The following INPP5A variants were observed in gnomAD, a reference collection of about 807,000 sequenced individuals.
INPP5A encodes the protein inositol polyphosphate-5-phosphatase A, also known as 43 kDa inositol polyphosphate 5-phophatase.
In INPP5A, 14 loss-of-function variants were observed where a neutral mutation model predicts 65.2. That is an observed-to-expected ratio of 0.21 (90% CI 0.14 to 0.34). INPP5A has a LOEUF of 0.34. Among genes scored for constraint, INPP5A ranks in the 10% least tolerant of loss-of-function variants. The pLI is 1.00. For missense variants in INPP5A, 431 were observed against 545.6 expected, an observed-to-expected ratio of 0.79 and a Z score of 2.09; for synonymous variants, 207 against 208.3, an observed-to-expected ratio of 0.99 and a Z score of 0.05.
At chr10:132,548,495 G>A (rs773630510) in intron 1 of INPP5A, among the ~76,000 whole-genome samples, 4 of 152,142 alleles carry the variant, frequency 2.6e-5, no homozygotes, top group African/African-American at 9.7e-5. Flanking sequence ...TTATTTACCC[G>A]GGATTTGAAT....
At chr10:132,747,831 T>G (rs1166921357) in intron 9 of INPP5A, among the ~76,000 whole-genome samples, 1 of 152,206 alleles carries the variant, frequency 6.6e-6, no homozygotes, top group Admixed American at 6.5e-5. Flanking sequence ...GGACAATCGC[T>G]TGAGCCCAGA....
chr10:132,677,201 T>C (rs1206844614), intron 4 of INPP5A, among the ~76,000 whole-genome samples: 5 of 152,244 alleles, frequency 3.3e-5, no homozygotes, highest in African/African-American at 9.6e-5. Flanking sequence ...TGCAGGTCCA[T>C]GGCTGGACGC....
intron 12 of INPP5A, among the ~76,000 whole-genome samples, chr10:132,766,314 T>G (rs545139236): frequency 2.0e-5 from 3 of 152,356 alleles, no homozygotes; most frequent in African/African-American, 7.2e-5. Context: ...CCAAAAAAGG[T>G]TTTTTCCAAT....
At chr10:132,689,010 C>G (rs568083334) in intron 4 of INPP5A, among the ~76,000 whole-genome samples, 1 of 151,860 alleles carries the variant, frequency 6.6e-6, no homozygotes, top group Non-Finnish European at 1.5e-5. Context: ...CCTGTGAGTG[C>G]TTGTGCGTGA....
intron 2 of INPP5A, among the ~76,000 whole-genome samples, chr10:132,612,235 G>A (rs116941943): frequency 0.025 from 2,179 of 86,806 alleles, 28 homozygotes; most frequent in Middle Eastern, 0.083. Flanking sequence ...AGGCCCTGTC[G>A]GGAGGGTGTG....
intron 12 of INPP5A, among the ~76,000 whole-genome samples, chr10:132,772,667 C>A (rs1386145553): frequency 2.5e-5 from 3 of 119,514 alleles, no homozygotes; most frequent in African/African-American, 6.5e-5. Context: ...ACAGAGGCCA[C>A]GGCAGCCGCC....
intron 2 of INPP5A, among the ~76,000 whole-genome samples, chr10:132,611,520 A>C (rs980835590): frequency 1.7e-3 from 108 of 62,248 alleles, no homozygotes; most frequent in Admixed American, 2.6e-3. Context: ...GTGAGGTGGG[A>C]AGGGGCGAGG....
intron 1 of INPP5A, among the ~76,000 whole-genome samples, chr10:132,556,087 C>T (rs1375617464): frequency 1.3e-5 from 2 of 152,178 alleles, no homozygotes; most frequent in East Asian, 3.8e-4. Flanking sequence ...CTGTCCCAGC[C>T]TGTGGGCTCC....
chr10:132,572,137 C>T (rs1444011118), intron 1 of INPP5A, among the ~76,000 whole-genome samples: 2 of 152,216 alleles, frequency 1.3e-5, no homozygotes, highest in Non-Finnish European at 1.5e-5. Flanking sequence ...GGTGACTCAT[C>T]CAAGAGCCTG....
At position 132,741,056 on chromosome 10, in the gene INPP5A, C is replaced by T. The variant is rs952798560; in HGVS notation, c.733-8461C>T. Among the ~76,000 whole-genome samples, 1 of 152,076 alleles carries T rather than the reference C, an allele frequency of 6.6e-6. No individual in the cohort carries two copies. Among genetic ancestry groups the T allele is most frequent in the Non-Finnish European group, 1.5e-5 (1 of 68,010 alleles). The stretch of plus-strand genomic sequence containing the variant: ...CAGCCTGGGCAACATAGGGAGTCCC[C>T]GTCTCTACAGAAAATAAGAAAGTAA... On this transcript the variant is annotated intron_variant, in intron 9 of 15. Transcript: ENST00000368594. This position sits in a 1 kb window ranked among gnomAD's most constrained non-coding sequence, Gnocchi z 4.4.
chr10:132,749,413 G>C, intron 9 of INPP5A, 104 bp from the exon 10 acceptor site: 1 of 1,039,862 alleles, frequency 9.6e-7, no homozygotes, highest in East Asian at 2.5e-5. Flanking sequence ...ACCAGCTGCT[G>C]TCTGGAACCA....
chr10:132,542,123 C>G (rs2070914205), intron 1 of INPP5A, among the ~76,000 whole-genome samples: 1 of 152,264 alleles, frequency 6.6e-6, no homozygotes, highest in Non-Finnish European at 1.5e-5. Flanking sequence ...GGTCAGGCTG[C>G]TGTTTGGTCC....
chr10:132,623,154 T>C (rs961386936), intron 2 of INPP5A, among the ~76,000 whole-genome samples: 2 of 152,166 alleles, frequency 1.3e-5, no homozygotes, highest in Admixed American at 1.3e-4. Flanking sequence ...TTCTAAAATA[T>C]ACACAGGAAA....
intron 4 of INPP5A, 101 bp from the exon 5 acceptor site, chr10:132,690,291 T>TA (rs1354921178): frequency 1.6e-5 from 13 of 794,288 alleles, no homozygotes; most frequent in Non-Finnish European, 2.8e-5. Flanking sequence ...GTGAAACTCT[T>TA]GCTCTAGCTA....
chr10:132,679,197 T>C (rs1429050223), intron 4 of INPP5A, among the ~76,000 whole-genome samples: 1 of 152,056 alleles, frequency 6.6e-6, no homozygotes, highest in East Asian at 1.9e-4. Flanking sequence ...AGGCTAGAGA[T>C]GGACAGGGTT....
chr10:132,708,492 T>C (rs777907900), intron 7 of INPP5A, 127 bp downstream of exon 7: 9 of 902,534 alleles, frequency 1.0e-5, no homozygotes, highest in Non-Finnish European at 1.7e-5. Flanking sequence ...CCCAGCTGCC[T>C]GACCCCCACC....
intron 2 of INPP5A, among the ~76,000 whole-genome samples, chr10:132,641,659 A>G (rs896100055): frequency 6.6e-6 from 1 of 152,210 alleles, no homozygotes; most frequent in African/African-American, 2.4e-5. Context: ...GCGTGGAGGT[A>G]GTTTGATTTG....
At chr10:132,588,173 C>T (rs1037501447) in intron 1 of INPP5A, among the ~76,000 whole-genome samples, 1 of 152,110 alleles carries the variant, frequency 6.6e-6, no homozygotes, top group Admixed American at 6.5e-5. Context: ...CTGATTTTGT[C>T]TCTGTATTTG....
At chr10:132,719,233 T>A (rs1845810945) in intron 8 of INPP5A, among the ~76,000 whole-genome samples, 1 of 149,928 alleles carries the variant, frequency 6.7e-6, no homozygotes, top group Non-Finnish European at 1.5e-5. Context: ...TTGGGGGTTC[T>A]GTGGTACCTG....
Sources: allele counts gnomAD v4.1 joint callset (sites outside exome capture counted in the v4.1 genomes callset), GRCh38; gene constraint gnomAD v4.1.1; non-coding constraint Gnocchi (gnomAD v3.1); transcripts MANE v1.5; gene names NCBI Gene and HGNC (gene_info 2026-07-23, HGNC 2026-07-21).